The following TES variants were observed in gnomAD, a reference collection of about 807,000 sequenced individuals.
TES encodes the protein testin.
TES carries 41 observed loss-of-function variants against 48.2 expected under a neutral mutation model. The observed-to-expected ratio is 0.85, with a 90% confidence interval of 0.66 to 1.10. The LOEUF is 1.10. Among genes scored for constraint, TES ranks in the 50% least tolerant of loss-of-function variants. The pLI is 0.00. For synonymous variants in TES, 162 were observed against 174.9 expected, an observed-to-expected ratio of 0.93 and a Z score of 0.58; for missense variants, 463 against 515.1, an observed-to-expected ratio of 0.90 and a Z score of 0.98.
intron 1 of TES, among the ~76,000 whole-genome samples, chr7:116,224,047 TTC>T (rs1799590268): frequency 6.6e-6 from 1 of 152,176 alleles, no homozygotes; most frequent in African/African-American, 2.4e-5. Flanking sequence ...GGATTACAGC[TTC>T]TATCTTGTGG....
At chr7:116,225,750 C>T (rs566813202) in intron 1 of TES, among the ~76,000 whole-genome samples, 1 of 152,166 alleles carries the variant, frequency 6.6e-6, no homozygotes, top group South Asian at 2.1e-4. Flanking sequence ...ACTAAAGACC[C>T]TTAACTGATT....
chr7:116,213,236 G>A (rs1400307314), intron 1 of TES, among the ~76,000 whole-genome samples: 1 of 152,146 alleles, frequency 6.6e-6, no homozygotes, highest in East Asian at 1.9e-4. Context: ...TTGGTACCTA[G>A]TTTTCAAGTC....
intron 2 of TES, among the ~76,000 whole-genome samples, chr7:116,248,519 T>G: frequency 6.6e-6 from 1 of 152,236 alleles, no homozygotes; most frequent in East Asian, 1.9e-4. Flanking sequence ...TCGTTTTGAT[T>G]TGCATTCCTT....
intron 2 of TES, among the ~76,000 whole-genome samples, chr7:116,235,577 A>G (rs1799759838): frequency 6.6e-6 from 1 of 152,220 alleles, no homozygotes. Flanking sequence ...GTACTACTGC[A>G]TATCATATAA....
chr7:116,228,255 A>G (rs4727829), intron 1 of TES, among the ~76,000 whole-genome samples: 10,505 of 152,212 alleles, frequency 0.069, 452 homozygotes, highest in Non-Finnish European at 0.093. Context: ...CTATTTGTCT[A>G]TGATTCGTGT....
intron 2 of TES, among the ~76,000 whole-genome samples, chr7:116,247,544 A>G (rs1286396568): frequency 6.6e-6 from 1 of 151,832 alleles, no homozygotes; most frequent in Non-Finnish European, 1.5e-5. Flanking sequence ...GAAGATGTCT[A>G]TTATTGGGGC....
At chr7:116,255,636 AT>A (rs984983954) in intron 6 of TES, among the ~76,000 whole-genome samples, 10 of 152,258 alleles carry the variant, frequency 6.6e-5, no homozygotes, top group African/African-American at 2.4e-4. Context: ...GTTTTGGGTA[AT>A]TTTAAAAAAT....
At chr7:116,241,119 A>G (rs1799842518) in intron 2 of TES, among the ~76,000 whole-genome samples, 1 of 152,254 alleles carries the variant, frequency 6.6e-6, no homozygotes, top group Admixed American at 6.5e-5. Flanking sequence ...TTGGATAACA[A>G]GATCACAGTG....
chr7:116,228,998 C>CTACATATATATATATATATATATA, intron 1 of TES, among the ~76,000 whole-genome samples: 1 of 110,158 alleles, frequency 9.1e-6, no homozygotes, highest in South Asian at 3.1e-4. Flanking sequence ...GTATCTATAA[C>CTACATATATATATATATATATATA]TATATATATA....
At chr7:116,254,808 C>A (rs1286598877) in intron 6 of TES, among the ~76,000 whole-genome samples, 3 of 144,148 alleles carry the variant, frequency 2.1e-5, no homozygotes, top group Non-Finnish European at 4.6e-5. Flanking sequence ...AGCATCATTT[C>A]TTTTATGTTT....
At chr7:116,236,027 C>T (rs908145512) in intron 2 of TES, among the ~76,000 whole-genome samples, 1 of 151,998 alleles carries the variant, frequency 6.6e-6, no homozygotes, top group Non-Finnish European at 1.5e-5. Flanking sequence ...TTTTTTTTTA[C>T]AAGACTTAAG....
chr7:116,249,167 T>TA lies in TES; in HGVS notation c.264dup (p.Arg89ThrfsTer24), dbSNP rs1483754432. ...TAAAGTCAGATGGAATTCCCATGTA[T>TA]AAACGCAATGTTATGATATTGACGA... On this transcript the variant is annotated frameshift_variant, in exon 3 of 7. Coordinates refer to ENST00000358204, the MANE Select transcript of TES (RefSeq NM_015641.4). LOFTEE classifies it high-confidence loss of function. The TA allele has an allele frequency of 6.2e-7, 1 of 1,614,120 alleles. No individual in the cohort carries two copies. Among genetic ancestry groups the TA allele is most frequent in the South Asian group, 1.1e-5 (1 of 91,082 alleles).
chr7:116,250,216 A>AG lies in TES; in HGVS notation c.427dup (p.Ala143GlyfsTer16). ...GAAAAGCAGCCAGTAGCAGGCTCAG[A>AG]GGGGGCACAGTACCGGAAGAAGCAG... On this transcript the variant is annotated frameshift_variant, in exon 4 of 7. Coordinates refer to ENST00000358204, the MANE Select transcript of TES (RefSeq NM_015641.4). LOFTEE classifies it high-confidence loss of function. The AG allele has an allele frequency of 6.3e-7, 1 of 1,593,264 alleles. No homozygotes were observed. Among genetic ancestry groups the AG allele is most frequent in the Non-Finnish European group, 8.5e-7 (1 of 1,171,434 alleles).
intron 1 of TES, among the ~76,000 whole-genome samples, chr7:116,217,080 T>A (rs1176957358): frequency 6.6e-6 from 1 of 152,148 alleles, no homozygotes; most frequent in East Asian, 1.9e-4. Context: ...CAAGTGTTGA[T>A]AGAGCAATGT....
In TES at chr7:116,258,254, T is replaced by G. The variant is rs1354586809; in HGVS notation, c.*772T>G. 2 of 151,958 alleles carry G rather than the reference T, an allele frequency of 1.3e-5. No individual in the cohort carries two copies. The highest frequency in any genetic ancestry group is 2.9e-5 in the Non-Finnish European group (2 of 67,960). 9.4% of individuals were successfully genotyped at this position (151,958 alleles called of 1,614,324 possible). On this transcript the variant is annotated 3_prime_UTR_variant, in exon 7 of 7. Transcript: ENST00000358204. ...CCTCCCAAATAGCTGGGATTACAGG[T>G]GCATGCCACCACACCCAGCTAATTT...
Position 116,258,492 on chromosome 7 carries a change from A to G in TES, c.*1010A>G, listed in dbSNP as rs1455757858. ...CCCATTTGCTTTTAATCCAAAGAAC[A>G]TGTATAGTTTTTGTACCCAGAGACT... On this transcript the variant is annotated 3_prime_UTR_variant, in exon 7 of 7. Transcript: ENST00000358204. 1 of 152,618 alleles carries G rather than the reference A, an allele frequency of 6.6e-6. No individual in the cohort carries two copies. Among genetic ancestry groups the G allele is most frequent in the Non-Finnish European group, 1.5e-5 (1 of 68,042 alleles). 9.5% of individuals were successfully genotyped at this position (152,618 alleles called of 1,614,324 possible). A position where few individuals can be genotyped will look rare whatever the true frequency, so the allele number is the denominator to read the frequency against.
intron 1 of TES, among the ~76,000 whole-genome samples, chr7:116,223,672 A>G (rs1430271616): frequency 6.6e-6 from 1 of 152,202 alleles, no homozygotes; most frequent in African/African-American, 2.4e-5. Flanking sequence ...TGAGTGAACA[A>G]CTAACAAATT....
chr7:116,249,239 T>A lies in TES; in HGVS notation c.333T>A (p.Tyr111Ter), dbSNP rs189028357. The A allele has an allele frequency of 6.2e-7, 1 of 1,614,100 alleles. No individual in the cohort carries two copies. Among genetic ancestry groups the A allele is most frequent in the East Asian group, 2.2e-5 (1 of 44,862 alleles). ...KKNVSINTVTYEWAPPVQNQA... is the reference protein window; with the variant it reads ...KKNVSINTVT ...ATGTCTCCATCAATACAGTTACCTA[T>A]GAGTGGGCTCCTCCTGTCCAGAATC... The change falls in exon 3 of 7, where the codon TAT becomes TAA. Residue 111 changes from tyrosine (Y) to a stop codon, truncating the protein, a stop_gained. Transcript: ENST00000358204. LOFTEE classifies it high-confidence loss of function.
At chr7:116,251,704 G>C (rs1800012580) in intron 4 of TES, 56 bp from the exon 5 acceptor site, 3 of 1,392,658 alleles carry the variant, frequency 2.2e-6, no homozygotes, top group Non-Finnish European at 2.0e-6. Context: ...AAGAAAGAAA[G>C]AAAAGAAATG....
Sources: allele counts gnomAD v4.1 joint callset (sites outside exome capture counted in the v4.1 genomes callset), GRCh38; gene constraint gnomAD v4.1.1; transcripts MANE v1.5; gene names NCBI Gene and HGNC (gene_info 2026-07-23, HGNC 2026-07-21).